The following MID1 variants were observed in gnomAD, a reference collection of about 807,000 sequenced individuals.
MID1 encodes the protein midline 1, also known as E3 ubiquitin-protein ligase Midline-1.
In MID1, 7 loss-of-function variants were observed where a neutral mutation model predicts 40.4. That is an observed-to-expected ratio of 0.17 (90% CI 0.10 to 0.33). MID1 has a LOEUF of 0.33. MID1 is among the 10% of genes least tolerant of loss of function. The pLI is 1.00. For synonymous variants in MID1, 229 were observed against 221.2 expected (o/e 1.04, Z -0.31); for missense variants, 367 against 558.5 (o/e 0.66, Z 3.46).
intron 1 of MID1, among the ~76,000 whole-genome samples, chrX:10,573,291 G>A (rs960809099): frequency 3.6e-5 from 4 of 111,902 alleles, no homozygotes; most frequent in African/African-American, 1.3e-4. Flanking sequence ...GAGGCTGGGC[G>A]ATTTATAAAC....
At chrX:10,787,759 A>G (rs1299626670) in intron 1 of MID1, among the ~76,000 whole-genome samples, 2 of 105,863 alleles carry the variant, frequency 1.9e-5, no homozygotes, top group Non-Finnish European at 3.9e-5. Flanking sequence ...TTTTCTTCCT[A>G]ACAGGAATTT....
At chrX:10,511,351 A>G (rs746431111) in intron 3 of MID1, among the ~76,000 whole-genome samples, 2 of 111,627 alleles carry the variant, frequency 1.8e-5, no homozygotes, top group Non-Finnish European at 3.8e-5. Context: ...CTATTAACAT[A>G]CAAACAAATA....
At chrX:10,619,486 C>A (rs994526444) in intron 1 of MID1, among the ~76,000 whole-genome samples, 8 of 112,463 alleles carry the variant, frequency 7.1e-5, no homozygotes, top group Admixed American at 1.9e-4. Flanking sequence ...ACATAAAATT[C>A]TTCCATAACT....
At chrX:10,565,210 T>C in intron 2 of MID1, 2 of 331,404 alleles carry the variant, frequency 6.0e-6, no homozygotes. Context: ...ACCTGAGTCC[T>C]TGTGCTTGAC....
chrX:10,484,256 TAAAG>T (rs1395001647), intron 4 of MID1, among the ~76,000 whole-genome samples: 1 of 112,314 alleles, frequency 8.9e-6, no homozygotes, highest in Non-Finnish European at 1.9e-5. Flanking sequence ...TCACACAGCA[TAAAG>T]AATCATTTAA....
chrX:10,752,948 C>T (rs1475689616), intron 1 of MID1, among the ~76,000 whole-genome samples: 1 of 112,285 alleles, frequency 8.9e-6, no homozygotes, highest in African/African-American at 3.2e-5. Context: ...TTGAGATGGA[C>T]CCTCCTCCTC....
intron 3 of MID1, among the ~76,000 whole-genome samples, chrX:10,513,086 G>C (rs1310963477): frequency 8.9e-6 from 1 of 112,164 alleles, no homozygotes; most frequent in Non-Finnish European, 1.9e-5. Context: ...TTAGAACAAA[G>C]CTCTTCATTT....
intron 1 of MID1, among the ~76,000 whole-genome samples, chrX:10,575,693 G>C (rs771290034): frequency 1.8e-5 from 2 of 111,063 alleles, no homozygotes; most frequent in Non-Finnish European, 3.8e-5. Flanking sequence ...GCCATGAACT[G>C]ATGGAAAAAG....
intron 2 of MID1, among the ~76,000 whole-genome samples, chrX:10,560,295 C>T (rs1016787756): frequency 1.8e-5 from 2 of 111,042 alleles, no homozygotes; most frequent in African/African-American, 6.6e-5. Flanking sequence ...AGAAGCATTC[C>T]CTTTGAAAAC....
At chrX:10,658,428 TAAAAAAAAAAAAAAAAAAAA>T (rs35116185) in intron 1 of MID1, among the ~76,000 whole-genome samples, 18 of 5,579 alleles carry the variant, frequency 3.2e-3, no homozygotes, top group Non-Finnish European at 5.3e-3. Flanking sequence ...CCTTCAACTG[TAAAAAAAAAAAAAAAAAAAA>T]AAAAAAAAAA....
chrX:10,746,236 G>T (rs768751505), intron 1 of MID1, among the ~76,000 whole-genome samples: 1 of 111,704 alleles, frequency 9.0e-6, no homozygotes, highest in Admixed American at 9.5e-5. Flanking sequence ...ATGTATTGAC[G>T]TAGCAGCCTT....
intron 1 of MID1, 94 bp downstream of exon 1, chrX:10,620,196 C>T (rs1291804231): frequency 8.9e-6 from 1 of 112,666 alleles, no homozygotes; most frequent in Non-Finnish European, 1.9e-5. Context: ...CGGCCAGGCG[C>T]CTGCTAACCC....
At chrX:10,556,113 G>A (rs766859031) in intron 2 of MID1, among the ~76,000 whole-genome samples, 21 of 109,658 alleles carry the variant, frequency 1.9e-4, no homozygotes, top group Admixed American at 1.7e-3. Context: ...AAAAAAGAAA[G>A]CTAGCCCCCT....
chrX:10,809,926 T>A (rs978590641), intron 1 of MID1, among the ~76,000 whole-genome samples: 83 of 110,101 alleles, frequency 7.5e-4, no homozygotes, highest in Middle Eastern at 4.7e-3. Flanking sequence ...AATAAAAAAA[T>A]AATAAAAATA....
At chrX:10,743,764 T>C (rs1161115474) in intron 1 of MID1, among the ~76,000 whole-genome samples, 1 of 112,172 alleles carries the variant, frequency 8.9e-6, no homozygotes, top group Non-Finnish European at 1.9e-5. Context: ...TTTGATCTTA[T>C]GAAGAATCTC....
rs1310335972 is a variant in MID1 at position 10,609,741 on chromosome X, T to C, written c.-57+10549A>G. On this transcript the variant is annotated intron_variant, in intron 1 of 9. Coordinates refer to ENST00000317552, the MANE Select transcript of MID1 (RefSeq NM_000381.4). ...TTTTTTTTTTTTTTTTTTTTGAGAC[T>C]GAGTCTCGCACTTTGGCCCAGGCTG... is the stretch of plus-strand genomic sequence containing the variant. Among the ~76,000 whole-genome samples, 3 of 96,797 alleles carry C rather than the reference T, an allele frequency of 3.1e-5. No individual in the cohort carries two copies. In the Admixed American group the frequency reaches 3.3e-4, roughly 11 times the overall value. The allele number at this position is 96,797 out of a possible 115,157, so 84.1% of individuals were successfully genotyped here.
chrX:10,803,646 C>T (rs1044261614), intron 1 of MID1, among the ~76,000 whole-genome samples: 6 of 111,414 alleles, frequency 5.4e-5, no homozygotes, highest in African/African-American at 1.3e-4. Context: ...CCACCATGCC[C>T]GGCCAGCTGT....
rs755758294 is a variant in MID1, at chrX:10,629,398, G to A, written c.-186-8979C>T. On this transcript the variant is annotated intron_variant, in intron 1 of 10. Coordinates refer to the MID1 transcript ENST00000380785. The stretch of plus-strand genomic sequence containing the variant: ...TCTTTTTTAGTAGAAACAGGGTCTC[G>A]CCATATTGGCCAGGCTGGTCTCAAA... Among the ~76,000 whole-genome samples, 3 of 109,427 alleles carry A rather than the reference G, an allele frequency of 2.7e-5. No individual in the cohort carries two copies. In the Admixed American group the frequency reaches 2.9e-4, roughly 11 times the overall value.
intron 1 of MID1, among the ~76,000 whole-genome samples, chrX:10,707,604 T>C (rs2043239948): frequency 8.9e-6 from 1 of 112,390 alleles, no homozygotes; most frequent in Non-Finnish European, 1.9e-5. Context: ...GATATATAAC[T>C]TACATTCTTC....
Sources: allele counts gnomAD v4.1 joint callset (sites outside exome capture counted in the v4.1 genomes callset), GRCh38; gene constraint gnomAD v4.1.1; transcripts MANE v1.5; gene names NCBI Gene and HGNC (gene_info 2026-07-23, HGNC 2026-07-21).